The following EIF5A2 variants were observed in gnomAD, a reference collection of about 807,000 sequenced individuals.
The protein encoded by EIF5A2 is eukaryotic translation initiation factor 5A-2.
EIF5A2 carries 15 observed loss-of-function variants against 16.4 expected under a neutral mutation model. That is an observed-to-expected ratio of 0.92 (90% confidence interval 0.61 to 1.41). EIF5A2 has a LOEUF of 1.41. EIF5A2 is among the 40% of genes most tolerant of loss of function. The pLI is 0.00. For missense variants in EIF5A2, 144 were observed against 189.5 expected (o/e 0.76, Z 1.41); for synonymous variants, 48 against 61.1 (o/e 0.79, Z 1.00).
chr3:170,898,055 G>C (rs1712716649), intron 3 of EIF5A2, among the ~76,000 whole-genome samples: 1 of 152,230 alleles, frequency 6.6e-6, no homozygotes, highest in African/African-American at 2.4e-5. Flanking sequence ...TATGGGACCT[G>C]TAGCTCCTTT....
At chr3:170,894,546 T>A (rs2108292310) in intron 3 of EIF5A2, 123 bp from the exon 4 acceptor site, 1 of 739,102 alleles carries the variant, frequency 1.4e-6, no homozygotes, top group Non-Finnish European at 2.0e-6. Flanking sequence ...TTAATATTCT[T>A]GGTATTTAAA....
chr3:170,900,769 A>C (rs1411416294), intron 3 of EIF5A2, among the ~76,000 whole-genome samples: 1 of 152,110 alleles, frequency 6.6e-6, no homozygotes, highest in Non-Finnish European at 1.5e-5. Flanking sequence ...CCCCCGCTAC[A>C]CGCACAGACA....
At position 170,893,032 on chromosome 3, in the gene EIF5A2, C is replaced by T; in HGVS notation, c.*328G>A. On this transcript the variant is annotated 3_prime_UTR_variant, in exon 5 of 5. Coordinates refer to ENST00000295822, the MANE Select transcript of EIF5A2 (RefSeq NM_020390.6). ...ATGCTACATTGTTTGATTTAAAACCCTGGTTTATCATCTAACTAAAACACA... is the reference window on the plus strand; with the variant it reads ...ATGCTACATTGTTTGATTTAAAACCTTGGTTTATCATCTAACTAAAACACA... 2.4e-6 allele frequency: 1 copy of T among 420,712 alleles called. No individual in the cohort carries two copies. The allele number at this position is 420,712 out of a possible 1,614,324, so 26.1% of individuals were successfully genotyped here.
chr3:170,898,194 C>A (rs1368106802), intron 3 of EIF5A2, among the ~76,000 whole-genome samples: 1 of 152,186 alleles, frequency 6.6e-6, no homozygotes, highest in Non-Finnish European at 1.5e-5. Flanking sequence ...TCCCTTGTTT[C>A]AGATGAGACT....
rs1712487296 is a variant in EIF5A2 at position 170,889,853 on chromosome 3, C to T, written c.*3507G>A. ...CTAAGGATAGGATTCTAAGATGAGACTGCCAAAATCTATTCTAAAATGAAA... is the reference window on the plus strand; with the variant it reads ...CTAAGGATAGGATTCTAAGATGAGATTGCCAAAATCTATTCTAAAATGAAA... On this transcript the variant is annotated 3_prime_UTR_variant, in exon 5 of 5. Coordinates refer to ENST00000295822, the MANE Select transcript of EIF5A2 (RefSeq NM_020390.6). 1 of 152,486 alleles carries T rather than the reference C, an allele frequency of 6.6e-6. No homozygotes were observed. Among genetic ancestry groups the T allele is most frequent in the South Asian group, 2.1e-4 (1 of 4,836 alleles). 9.4% of individuals were successfully genotyped at this position (152,486 alleles called of 1,614,324 possible).
At position 170,893,140 on chromosome 3, in the gene EIF5A2, A is replaced by G; in HGVS notation, c.*220T>C. On this transcript the variant is annotated 3_prime_UTR_variant, in exon 5 of 5. Coordinates refer to ENST00000295822, the MANE Select transcript of EIF5A2 (RefSeq NM_020390.6). ...CTGACATACTGAAAACCACAGGAAT[A>G]TTATAGGAAACATATCTACAAAATT... 1 of 462,130 alleles carries G rather than the reference A, an allele frequency of 2.2e-6. No homozygotes were observed. Among genetic ancestry groups the G allele is most frequent in the Non-Finnish European group, 3.8e-6 (1 of 265,058 alleles). The allele number at this position is 462,130 out of a possible 1,614,324, so 28.6% of individuals were successfully genotyped here.
At chr3:170,900,654 C>T (rs911460279) in intron 3 of EIF5A2, among the ~76,000 whole-genome samples, 1 of 152,064 alleles carries the variant, frequency 6.6e-6, no homozygotes, top group Non-Finnish European at 1.5e-5. Context: ...TTTAAATGCT[C>T]GAGTTTATAA....
chr3:170,905,702 G>T (rs1014795929), intron 3 of EIF5A2, among the ~76,000 whole-genome samples: 1 of 152,132 alleles, frequency 6.6e-6, no homozygotes, highest in Non-Finnish European at 1.5e-5. Flanking sequence ...ATAGGAAAAG[G>T]GGGAAACAGA....
rs1348396972 is a variant in EIF5A2 at position 170,889,060 on chromosome 3, T to TTTTC, written c.*4299_*4300insGAAA. ...TACAATAACCTGTCTTTTTTTTTTT[T>TTTTC]TTTTTTTTTTTGTAAAATAGGTTTC... On this transcript the variant is annotated 3_prime_UTR_variant, in exon 5 of 5. Coordinates refer to ENST00000295822, the MANE Select transcript of EIF5A2 (RefSeq NM_020390.6). The TTTTC allele has an allele frequency of 2.1e-4, 30 of 145,162 alleles. 1 individual carries two copies. Among genetic ancestry groups the TTTTC allele is most frequent in the Admixed American group, 1.7e-3 (25 of 14,500 alleles). 9.0% of individuals were successfully genotyped at this position (145,162 alleles called of 1,614,324 possible). A position where few individuals can be genotyped will look rare whatever the true frequency, so the allele number is the denominator to read the frequency against.
In EIF5A2 at chr3:170,906,980, A is replaced by C. The variant is rs1262044668; in HGVS notation, c.270+9T>G. The stretch of plus-strand genomic sequence containing the variant: ...AACAAGCAACATTCTAAAGAAAATC[A>C]GTGCTTACTTGATAATCATTTCTCT... On this transcript the variant is annotated intron_variant, in intron 3 of 4. Transcript: ENST00000295822. 6.5e-7 allele frequency: 1 copy of C among 1,541,702 alleles called. No individual in the cohort carries two copies. The highest frequency in any genetic ancestry group is 1.7e-5 in the Admixed American group (1 of 57,486).
chr3:170,889,398 A>G lies in EIF5A2; in HGVS notation c.*3962T>C, dbSNP rs1370579295. 1 of 152,418 alleles carries G rather than the reference A, an allele frequency of 6.6e-6. No homozygotes were observed. The highest frequency in any genetic ancestry group is 1.5e-5 in the Non-Finnish European group (1 of 67,962). 9.4% of individuals were successfully genotyped at this position (152,418 alleles called of 1,614,324 possible). On this transcript the variant is annotated 3_prime_UTR_variant, in exon 5 of 5. Coordinates refer to ENST00000295822, the MANE Select transcript of EIF5A2 (RefSeq NM_020390.6). ...ATCAAATAATGATGCCATATACCCA[A>G]TTCAGAGAAAAAATTTAATAGATTA... is the stretch of plus-strand genomic sequence containing the variant.
chr3:170,893,621 G>C (rs1369520470), intron 4 of EIF5A2, among the ~76,000 whole-genome samples: 1 of 152,176 alleles, frequency 6.6e-6, no homozygotes, highest in African/African-American at 2.4e-5. Context: ...CCAGGGAACA[G>C]GAAAAATAAC....
intron 4 of EIF5A2, among the ~76,000 whole-genome samples, chr3:170,893,681 G>A (rs1014101781): frequency 3.9e-5 from 6 of 152,126 alleles, no homozygotes; most frequent in African/African-American, 7.2e-5. Context: ...AAGTTGTAAC[G>A]AAGACAGTAA....
In EIF5A2 at chr3:170,888,744, T is replaced by C. The variant is rs138133463; in HGVS notation, c.*4616A>G. ...ATTTAGACAATGCTAAACTGTTTCC[T>C]TTTTGGGGAGGAAGACAAAAGTACA... On this transcript the variant is annotated 3_prime_UTR_variant, in exon 5 of 5. Coordinates refer to ENST00000295822, the MANE Select transcript of EIF5A2 (RefSeq NM_020390.6). 2.8e-3 allele frequency: 435 copies of C among 152,722 alleles called. 1 individual carries two copies. The highest frequency in any genetic ancestry group is 5.4e-3 in the South Asian group (26 of 4,828). 9.5% of individuals were successfully genotyped at this position (152,722 alleles called of 1,614,324 possible). A position where few individuals can be genotyped will look rare whatever the true frequency, so the allele number is the denominator to read the frequency against.
rs760262222 is a variant in EIF5A2, at chr3:170,907,781, G to C, written c.26C>G (p.Thr9Ser). 6.4e-7 allele frequency: 1 copy of C among 1,560,284 alleles called. No individual in the cohort carries two copies. The highest frequency in any genetic ancestry group is 8.8e-7 in the Non-Finnish European group (1 of 1,141,050). Residue 9 changes from threonine (T) to serine (S), a missense_variant, in exon 2 of 5, where the codon ACT (threonine) becomes AGT (serine). Transcript: ENST00000295822. MADEIDFT[T>S]GDAGASSTYP... ...AGTGCTGGAAGCCCCGGCATCTCCA[G>C]TAGTGAAATCAATTTCGTCTGCCAT...
At chr3:170,894,967 G>A (rs188788312) in intron 3 of EIF5A2, among the ~76,000 whole-genome samples, 5 of 149,062 alleles carry the variant, frequency 3.4e-5, no homozygotes, top group African/African-American at 1.2e-4. Flanking sequence ...TGGAGCTTGC[G>A]GTGAGCCAAG....
chr3:170,901,292 A>T (rs1488343689), intron 3 of EIF5A2, among the ~76,000 whole-genome samples: 1 of 152,178 alleles, frequency 6.6e-6, no homozygotes, highest in African/African-American at 2.4e-5. Context: ...CCACAATAAA[A>T]AGTGAAACAA....
intron 3 of EIF5A2, 90 bp from the exon 4 acceptor site, chr3:170,894,513 T>G (rs1576786129): frequency 8.9e-7 from 1 of 1,125,564 alleles, no homozygotes; most frequent in East Asian, 2.5e-5. Context: ...TGATATTAAT[T>G]CATATAAGTA....
chr3:170,890,788 T>G lies in EIF5A2; in HGVS notation c.*2572A>C, dbSNP rs1390104400. On this transcript the variant is annotated 3_prime_UTR_variant, in exon 5 of 5. Transcript: ENST00000295822. ...AGTACAACAAATATTGGGAATCAAC[T>G]TTAACATTTCTGATGTCTAAAAAGA... 1 of 152,580 alleles carries G rather than the reference T, an allele frequency of 6.6e-6. No individual in the cohort carries two copies. The highest frequency in any genetic ancestry group is 1.5e-5 in the Non-Finnish European group (1 of 67,990). The allele number at this position is 152,580 out of a possible 1,614,324, so 9.5% of individuals were successfully genotyped here. A position where few individuals can be genotyped will look rare whatever the true frequency, so the allele number is the denominator to read the frequency against.
Sources: allele counts gnomAD v4.1 joint callset (sites outside exome capture counted in the v4.1 genomes callset), GRCh38; gene constraint gnomAD v4.1.1; transcripts MANE v1.5; gene names NCBI Gene and HGNC (gene_info 2026-07-23, HGNC 2026-07-21).